Variants in TNFRSF11A observed in about 807,000 individuals in gnomAD.
TNFRSF11A encodes the protein tumor necrosis factor receptor superfamily member 11A.
Under a neutral mutation model 55.7 loss-of-function variants are expected in TNFRSF11A, and 32 were observed. That is an observed-to-expected ratio of 0.57 (90% confidence interval 0.43 to 0.77). The LOEUF (loss-of-function observed/expected upper bound fraction) is 0.77. Among genes scored for constraint, TNFRSF11A ranks in the 30% least tolerant of loss-of-function variants. The probability of loss-of-function intolerance (pLI) is 0.00; values close to 1 mark genes in which losing one functional copy is unlikely to be tolerated. For synonymous variants in TNFRSF11A, 311 were observed against 331.0 expected, an observed-to-expected ratio of 0.94 and a Z score of 0.65; for missense variants, 753 against 809.8, an observed-to-expected ratio of 0.93 and a Z score of 0.85.
At chr18:62,365,286 C>T (rs944875861) in intron 7 of TNFRSF11A, among the ~76,000 whole-genome samples, 11 of 152,046 alleles carry the variant, frequency 7.2e-5, no homozygotes, top group Non-Finnish European at 1.2e-4. Context: ...TATAGTGAAC[C>T]CAACATTAAA....
intron 3 of TNFRSF11A, 47 bp from the exon 4 acceptor site, chr18:62,354,344 G>C (rs2145308431): frequency 6.6e-7 from 1 of 1,514,136 alleles, no homozygotes. Flanking sequence ...GTGTGTTTGG[G>C]CTGCCTGCCC....
Position 62,349,828 on chromosome 18 carries a change from T to A in TNFRSF11A, c.174T>A (p.Ser58=), listed in dbSNP as rs1237618298. 6 of 1,613,974 alleles carry A rather than the reference T, an allele frequency of 3.7e-6. No homozygotes were observed. The highest frequency in any genetic ancestry group is 5.1e-6 in the Non-Finnish European group (6 of 1,179,974). The part of the protein sequence containing the change: ...NKCEPGKYMS[S]KCTTTSDSVC... Reference sequence around the variant, plus strand: ...TTTTTTAAGGAAAGTACATGTCTTCTAAATGCACTACTACCTCTGACAGTG... The same window carrying A: ...TTTTTTAAGGAAAGTACATGTCTTCAAAATGCACTACTACCTCTGACAGTG... Residue 58 remains serine (S), a synonymous_variant, in exon 3 of 10, where the codon TCT becomes TCA. Coordinates refer to ENST00000586569, the MANE Select transcript of TNFRSF11A (RefSeq NM_003839.4).
intron 9 of TNFRSF11A, among the ~76,000 whole-genome samples, chr18:62,370,016 C>T (rs142193722): frequency 1.4e-3 from 213 of 152,230 alleles, no homozygotes; most frequent in African/African-American, 5.0e-3. Flanking sequence ...ATGAATGATA[C>T]AGTAAAACTG....
At chr18:62,339,949 T>G (rs1352764873) in intron 1 of TNFRSF11A, among the ~76,000 whole-genome samples, 1 of 152,030 alleles carries the variant, frequency 6.6e-6, no homozygotes, top group East Asian at 1.9e-4. Context: ...ATGAGTGCTT[T>G]TAAGTTGGAG....
At chr18:62,338,456 C>G (rs978093246) in intron 1 of TNFRSF11A, among the ~76,000 whole-genome samples, 1 of 152,158 alleles carries the variant, frequency 6.6e-6, no homozygotes, top group Admixed American at 6.5e-5. Flanking sequence ...AAGATATGGT[C>G]TATACATGTG....
At chr18:62,329,789 G>C (rs1041216127) in intron 1 of TNFRSF11A, among the ~76,000 whole-genome samples, 1 of 152,142 alleles carries the variant, frequency 6.6e-6, no homozygotes, top group Non-Finnish European at 1.5e-5. Flanking sequence ...TCCCCAGGCA[G>C]GCTGCCTGTC....
At position 62,383,669 on chromosome 18, in the gene TNFRSF11A, T is replaced by C. The variant is rs542411469; in HGVS notation, c.1568-1082T>C. Among the ~76,000 whole-genome samples the C allele has an allele frequency of 2.3e-4, 35 of 152,236 alleles. No homozygotes were observed. The South Asian group carries it at 6.8e-3, about 30-fold the overall frequency. The stretch of plus-strand genomic sequence containing the variant: ...GTAAGAGCTAGCAGGTTGCCTAACA[T>C]TTGTTGGACTTTGTTTGTTTTTCAA... On this transcript the variant is annotated intron_variant, in intron 9 of 9. Coordinates refer to ENST00000586569, the MANE Select transcript of TNFRSF11A (RefSeq NM_003839.4). The surrounding 1 kb of genome is among the most constrained non-coding windows in gnomAD (Gnocchi z 4.2).
chr18:62,380,441 T>C (rs1911192296), intron 9 of TNFRSF11A, among the ~76,000 whole-genome samples: 1 of 150,332 alleles, frequency 6.7e-6, no homozygotes, highest in Admixed American at 6.6e-5. Flanking sequence ...AGGAATTTTT[T>C]TTTTTTTTTT....
intron 7 of TNFRSF11A, among the ~76,000 whole-genome samples, chr18:62,362,794 C>A (rs1909790842): frequency 6.6e-6 from 1 of 152,072 alleles, no homozygotes; most frequent in Admixed American, 6.6e-5. Flanking sequence ...TAAAAACCTG[C>A]TGTTTCACCA....
At chr18:62,344,207 G>T (rs536332125) in intron 1 of TNFRSF11A, among the ~76,000 whole-genome samples, 83 of 152,306 alleles carry the variant, frequency 5.4e-4, no homozygotes, top group African/African-American at 1.9e-3. Context: ...GCAAGCTATT[G>T]TTCGTTTTGA....
chr18:62,385,272 C>A lies in TNFRSF11A; in HGVS notation c.*238C>A. ...CGCCGCACTGGGGCAGATGTCTCCC[C>A]TGCCACTCCTCAAACTCGCAGCAGT... On this transcript the variant is annotated 3_prime_UTR_variant, in exon 10 of 10. Coordinates refer to ENST00000586569, the MANE Select transcript of TNFRSF11A (RefSeq NM_003839.4). 2.3e-6 allele frequency: 1 copy of A among 428,236 alleles called. No individual in the cohort carries two copies. The highest frequency in any genetic ancestry group is 4.0e-6 in the Non-Finnish European group (1 of 247,208). 26.5% of individuals were successfully genotyped at this position (428,236 alleles called of 1,614,324 possible).
intron 1 of TNFRSF11A, chr18:62,336,910 G>C (rs2046242445): frequency 1.3e-5 from 2 of 152,192 alleles, no homozygotes; most frequent in Non-Finnish European, 2.9e-5. Flanking sequence ...CATTGTGAGG[G>C]GAGTAAGGCA....
At chr18:62,355,427 A>G (rs1270793492) in intron 4 of TNFRSF11A, among the ~76,000 whole-genome samples, 1 of 152,024 alleles carries the variant, frequency 6.6e-6, no homozygotes, top group Non-Finnish European at 1.5e-5. Flanking sequence ...ACCGGGATGC[A>G]CCACCACGCC....
intron 1 of TNFRSF11A, among the ~76,000 whole-genome samples, chr18:62,328,566 C>T (rs1278487801): frequency 6.6e-6 from 1 of 152,166 alleles, no homozygotes; most frequent in African/African-American, 2.4e-5. Flanking sequence ...GTGGTAAAGT[C>T]GACTAATCAG....
At chr18:62,353,951 G>A (rs1160024556) in intron 3 of TNFRSF11A, among the ~76,000 whole-genome samples, 6 of 152,120 alleles carry the variant, frequency 3.9e-5, no homozygotes, top group Admixed American at 3.3e-4. Flanking sequence ...GGATGCCTCA[G>A]GATCCTACAA....
At chr18:62,354,191 C>A (rs118134297) in intron 3 of TNFRSF11A, among the ~76,000 whole-genome samples, 200 bp from the exon 4 acceptor site, 2,382 of 152,296 alleles carry the variant, frequency 0.016, 35 homozygotes, top group Non-Finnish European at 0.024. Context: ...AGAGAAGAAC[C>A]CCCCCGTGAC....
intron 7 of TNFRSF11A, 42 bp downstream of exon 7, chr18:62,361,835 A>G (rs1909713845): frequency 3.3e-6 from 5 of 1,526,824 alleles, no homozygotes; most frequent in South Asian, 2.2e-5. Flanking sequence ...ATCTTAAAAG[A>G]TAGATTTCTA....
chr18:62,347,262 C>A (rs1452479472), intron 1 of TNFRSF11A, among the ~76,000 whole-genome samples: 1 of 152,178 alleles, frequency 6.6e-6, no homozygotes, highest in Non-Finnish European at 1.5e-5. Flanking sequence ...CGGCTAAGCC[C>A]AGTTCTTCAG....
chr18:62,327,194 T>C (rs924863414), intron 1 of TNFRSF11A, among the ~76,000 whole-genome samples: 1 of 152,148 alleles, frequency 6.6e-6, no homozygotes, highest in African/African-American at 2.4e-5. Flanking sequence ...TCTCCTGTAA[T>C]CGGAGTTAAT....
Sources: allele counts gnomAD v4.1 joint callset (sites outside exome capture counted in the v4.1 genomes callset), GRCh38; gene constraint gnomAD v4.1.1; non-coding constraint Gnocchi (gnomAD v3.1); transcripts MANE v1.5; gene names NCBI Gene and HGNC (gene_info 2026-07-23, HGNC 2026-07-21).